The following SERF2 variants were observed in gnomAD, a reference collection of about 807,000 sequenced individuals.
The protein encoded by SERF2 is small EDRK-rich factor 2, also known as gastric cancer-related protein VRG107.
In SERF2, 4 loss-of-function variants were observed where a neutral mutation model predicts 10.7. That is an observed-to-expected ratio of 0.37 (90% CI 0.18 to 0.86). SERF2 has a LOEUF of 0.86. SERF2 is among the 40% of genes least tolerant of loss of function. The probability of loss-of-function intolerance (pLI) is 0.43; values close to 1 mark genes in which losing one functional copy is unlikely to be tolerated. For missense variants in SERF2, 47 were observed against 79.1 expected (o/e 0.59, Z 1.54); for synonymous variants, 26 against 26.0 (o/e 1.00, Z 0.01).
chr15:43,778,581 CAAAAAAAAAA>C (rs145368177), intron 1 of SERF2, among the ~76,000 whole-genome samples: 48 of 28,954 alleles, frequency 1.7e-3, no homozygotes, highest in East Asian at 0.013. Flanking sequence ...GATTCCATCT[CAAAAAAAAAA>C]AAAAAAAAAA....
At chr15:43,782,299 T>C (rs2086971110) in intron 1 of SERF2, among the ~76,000 whole-genome samples, 1 of 152,192 alleles carries the variant, frequency 6.6e-6, no homozygotes, top group African/African-American at 2.4e-5. Flanking sequence ...TATATCAATA[T>C]TGAATGTTTC....
intron 1 of SERF2, among the ~76,000 whole-genome samples, chr15:43,780,543 C>T (rs2086956523): frequency 6.6e-6 from 1 of 152,070 alleles, no homozygotes; most frequent in Admixed American, 6.6e-5. Context: ...AAAACTGAAA[C>T]TCTATATCCA....
At chr15:43,787,474 C>T (rs1266897307), upstream of SERF2, among the ~76,000 whole-genome samples, 23 of 151,762 alleles carry the variant, frequency 1.5e-4, no homozygotes, top group African/African-American at 5.6e-4. Flanking sequence ...TTCCGCTCAC[C>T]GCAACCTCTG....
Position 43,795,017 on chromosome 15 carries a change from T to C in SERF2, c.*1244T>C. 1 of 1,611,214 alleles carries C rather than the reference T, an allele frequency of 6.2e-7. No individual in the cohort carries two copies. Among genetic ancestry groups the C allele is most frequent in the Non-Finnish European group, 8.5e-7 (1 of 1,179,462 alleles). On this transcript the variant is annotated 3_prime_UTR_variant, in exon 3 of 3. Transcript: ENST00000249786. ...AAAAGGACTTAGACTGGAGGATATT[T>C]GTTATCTGGGGATATGATGCGGTGG... is the stretch of plus-strand genomic sequence containing the variant.
intron 1 of SERF2, chr15:43,792,615 A>G: frequency 1.4e-6 from 2 of 1,434,070 alleles, no homozygotes; most frequent in Non-Finnish European, 1.8e-6. Flanking sequence ...CCGCGGTGTA[A>G]GGAGAAGGCC....
At position 43,793,952 on chromosome 15, in the gene SERF2, C is replaced by T. The variant is rs2087139170; in HGVS notation, c.*179C>T. ...TTCCCCTCAGGTAGCCTCTCTCCCC[C>T]TGGGCCACTCCCGGGGGTGAGGGGG... On this transcript the variant is annotated 3_prime_UTR_variant, in exon 3 of 3. Coordinates refer to ENST00000249786, the MANE Select transcript of SERF2 (RefSeq NM_001018108.4). 6 of 1,548,912 alleles carry T rather than the reference C, an allele frequency of 3.9e-6. No homozygotes were observed. Among genetic ancestry groups the T allele is most frequent in the Non-Finnish European group, 5.2e-6 (6 of 1,146,262 alleles).
chr15:43,777,279 C>G, exon 1 of SERF2: 1 of 418,482 alleles, frequency 2.4e-6, no homozygotes, highest in South Asian at 1.7e-5. Context: ...GTTGCTGTCT[C>G]TAAGTGAAAG....
At position 43,793,829 on chromosome 15, in the gene SERF2, CCCA is replaced by C; in HGVS notation, c.*61_*63del. 6.2e-7 allele frequency: 1 copy of C among 1,614,134 alleles called. No individual in the cohort carries two copies. Among genetic ancestry groups the C allele is most frequent in the Non-Finnish European group, 8.5e-7 (1 of 1,180,020 alleles). ...CTTCGCCTGTGTGCCTGGAGCCAGT[CCCA>C]CCACGCTCGCGTTTCCTCCTGTAGT... On this transcript the variant is annotated 3_prime_UTR_variant, in exon 3 of 3. Coordinates refer to ENST00000249786, the MANE Select transcript of SERF2 (RefSeq NM_001018108.4).
At chr15:43,792,202 A>T (rs1254827623), upstream of SERF2, 6 of 642,250 alleles carry the variant, frequency 9.3e-6, no homozygotes, top group Admixed American at 1.5e-4. Context: ...ACCCCGGCTC[A>T]AGCACGACCC....
chr15:43,786,134 G>C (rs2087004727), intron 2 of SERF2, among the ~76,000 whole-genome samples: 1 of 151,976 alleles, frequency 6.6e-6, no homozygotes, highest in Non-Finnish European at 1.5e-5. Flanking sequence ...GCTGGTTGAA[G>C]GCCAGACACA....
At position 43,795,660 on chromosome 15, in the gene SERF2, T is replaced by C; in HGVS notation, c.*1887T>C. 1.9e-6 allele frequency: 3 copies of C among 1,613,352 alleles called. No homozygotes were observed. Among genetic ancestry groups the C allele is most frequent in the Non-Finnish European group, 8.5e-7 (1 of 1,179,356 alleles). On this transcript the variant is annotated 3_prime_UTR_variant, in exon 3 of 3. Coordinates refer to ENST00000249786, the MANE Select transcript of SERF2 (RefSeq NM_001018108.4). Reference sequence around the variant, plus strand: ...ATGGCACTCCACAGAGATCTACCACTTCTTATGGTTCCTCACTTGGCACTC... The same window carrying C: ...ATGGCACTCCACAGAGATCTACCACCTCTTATGGTTCCTCACTTGGCACTC...
upstream of SERF2, among the ~76,000 whole-genome samples, chr15:43,789,052 G>C (rs1029279368): frequency 2.6e-5 from 4 of 151,818 alleles, no homozygotes; most frequent in Non-Finnish European, 5.9e-5. Context: ...GGGAGGCTGA[G>C]CCAGGAGAAT....
chr15:43,794,171 C>T lies in SERF2; in HGVS notation c.*398C>T, dbSNP rs2087145981. On this transcript the variant is annotated 3_prime_UTR_variant, in exon 3 of 3. Coordinates refer to ENST00000249786, the MANE Select transcript of SERF2 (RefSeq NM_001018108.4). ...GGGTATGTAGACTTAATAAGTGAAA[C>T]ATCACAGAAGAAGCCTTTATTATAC... 3.6e-6 allele frequency: 2 copies of T among 558,810 alleles called. No individual in the cohort carries two copies. Among genetic ancestry groups the T allele is most frequent in the South Asian group, 2.7e-5 (1 of 37,728 alleles). The allele number at this position is 558,810 out of a possible 1,614,324, so 34.6% of individuals were successfully genotyped here.
At chr15:43,792,522 C>G (rs937840875) in intron 1 of SERF2, 139 bp downstream of exon 1, 8 of 1,536,202 alleles carry the variant, frequency 5.2e-6, no homozygotes, top group Non-Finnish European at 6.1e-6. Flanking sequence ...CCCTCACACT[C>G]GGTGCCCGGA....
chr15:43,793,249 G>C, intron 2 of SERF2, 166 bp downstream of exon 2: 1 of 596,422 alleles, frequency 1.7e-6, no homozygotes, highest in Admixed American at 3.0e-5. Context: ...CAAATTGTTA[G>C]CTCACAGCCT....
rs1567169796 is a variant in SERF2, at chr15:43,794,960, G to A, written c.*1187G>A. On this transcript the variant is annotated 3_prime_UTR_variant, in exon 3 of 3. Transcript: ENST00000249786. ...GACAGCTCCCCTTGAGCCAACTCTA[G>A]GAGTACAATGTCAGGGGAACCCCAG... 2.6e-6 allele frequency: 4 copies of A among 1,518,994 alleles called. No individual in the cohort carries two copies. The East Asian group carries it at 9.0e-5, about 34-fold the overall frequency. The allele number at this position is 1,518,994 out of a possible 1,614,324, so 94.1% of individuals were successfully genotyped here.
intron 1 of SERF2, among the ~76,000 whole-genome samples, chr15:43,784,573 A>G (rs944389713): frequency 6.6e-6 from 1 of 151,908 alleles, no homozygotes; most frequent in Non-Finnish European, 1.5e-5. Flanking sequence ...GGTTCACGCC[A>G]TTCTCCTGCC....
Position 43,795,606 on chromosome 15 carries a change from T to C in SERF2, c.*1833T>C, listed in dbSNP as rs2087194791. 1 of 1,610,774 alleles carries C rather than the reference T, an allele frequency of 6.2e-7. No individual in the cohort carries two copies. The highest frequency in any genetic ancestry group is 1.1e-5 in the South Asian group (1 of 91,010). ...AACACCTCTTCCCCTCTCCCCCAAC[T>C]ACCTTTGTTAAGGCTCTTGAGGGTT... On this transcript the variant is annotated 3_prime_UTR_variant, in exon 3 of 3. Transcript: ENST00000249786.
intron 1 of SERF2, among the ~76,000 whole-genome samples, chr15:43,782,955 G>C (rs181761148): frequency 6.2e-5 from 9 of 145,466 alleles, no homozygotes; most frequent in Non-Finnish European, 1.0e-4. Flanking sequence ...AGCAATTCTC[G>C]TGCCTCAGCC....
Sources: gnomAD v4.1 joint callset for allele counts (sites outside exome capture counted in the v4.1 genomes callset) on GRCh38, gnomAD v4.1.1 for gene constraint, MANE v1.5 for transcripts, NCBI Gene and HGNC (gene_info 2026-07-23, HGNC 2026-07-21) for gene names.